The following ZNF516 variants were observed in gnomAD, a reference collection of about 807,000 sequenced individuals.
ZNF516 encodes zinc finger protein 516.
A neutral mutation model predicts 79.7 loss-of-function variants in ZNF516; 19 were observed. The observed-to-expected ratio is 0.24, with a 90% CI of 0.17 to 0.35. The LOEUF (loss-of-function observed/expected upper bound fraction) is 0.35, where lower values mean the gene tolerates loss of function less well. Ranked by LOEUF, ZNF516 falls within the 10% of genes least tolerant of loss-of-function variation. The pLI is 1.00. For missense variants in ZNF516, 1,678 were observed against 1,679.5 expected, an observed-to-expected ratio of 1.00 and a Z score of 0.02; for synonymous variants, 877 against 739.5, an observed-to-expected ratio of 1.19 and a Z score of -3.02.
intron 3 of ZNF516, among the ~76,000 whole-genome samples, chr18:76,437,056 G>C (rs1185968688): frequency 3.3e-5 from 2 of 60,824 alleles, no homozygotes; most frequent in African/African-American, 1.6e-4. Context: ...GACAGAGCAA[G>C]ACCTGTCTAA....
At chr18:76,431,131 A>T (rs1236385099) in intron 3 of ZNF516, among the ~76,000 whole-genome samples, 4 of 152,172 alleles carry the variant, frequency 2.6e-5, no homozygotes, top group Admixed American at 2.6e-4. Flanking sequence ...TAGCCGACAA[A>T]TCCCTCATGA....
At position 76,443,173 on chromosome 18, in the gene ZNF516, A is replaced by T; in HGVS notation, c.-119T>A. 4 of 1,404,948 alleles carry T rather than the reference A, an allele frequency of 2.8e-6. No individual in the cohort carries two copies. Among genetic ancestry groups the T allele is most frequent in the Non-Finnish European group, 3.7e-6 (4 of 1,074,904 alleles). The allele number at this position is 1,404,948 out of a possible 1,614,324, so 87.0% of individuals were successfully genotyped here. A position where few individuals can be genotyped will look rare whatever the true frequency, so the allele number is the denominator to read the frequency against. ...AGACGTGCCTGCTCCCAGGAGGTGC[A>T]CCTTCTACATGGGGGGCGCAGCAGC... On this transcript the variant is annotated 5_prime_UTR_variant, in exon 3 of 7. Transcript: ENST00000443185.
rs1383891991 is a variant in ZNF516 at position 76,363,871 on chromosome 18, T to A, written c.3433-1314A>T. On this transcript the variant is annotated intron_variant, in intron 6 of 6. Coordinates refer to ENST00000443185, the MANE Select transcript of ZNF516 (RefSeq NM_014643.4). ...GTGTTTGGCCTTGACCGTCTCTGCA[T>A]AGCAAACATAGACGTCAGGGACCGT... Among the ~76,000 whole-genome samples the A allele has an allele frequency of 2.6e-5, 4 of 152,224 alleles. No homozygotes were observed. In the East Asian group the frequency reaches 7.7e-4, roughly 29 times the overall value.
In ZNF516 at chr18:76,421,207, C is replaced by T. The variant is rs116301660; in HGVS notation, c.1810+20038G>A. On this transcript the variant is annotated intron_variant, in intron 3 of 6. Transcript: ENST00000443185. ...GAATTACACTTAGGAAGTCATTCTGCGTTTAGGCTGGTGCATATTGGAAAA... is the reference window on the plus strand; with the variant it reads ...GAATTACACTTAGGAAGTCATTCTGTGTTTAGGCTGGTGCATATTGGAAAA... Among the ~76,000 whole-genome samples the T allele has an allele frequency of 1.8e-3, 278 of 152,254 alleles. 1 individual carries two copies. Among genetic ancestry groups the T allele is most frequent in the African/African-American group, 6.5e-3 (268 of 41,546 alleles).
At chr18:76,389,777 C>T (rs956109226) in intron 3 of ZNF516, among the ~76,000 whole-genome samples, 1 of 152,124 alleles carries the variant, frequency 6.6e-6, no homozygotes, top group African/African-American at 2.4e-5. Context: ...AAATAGCAAG[C>T]AGCTATTTCA....
rs1376228374 is a variant in ZNF516 at position 76,488,263 on chromosome 18, T to C, written c.-272+6881A>G. ...AGGCCCTGTGAGCTAAATACAGTAATAAAATTAGTTCTTCACGTTTAGCCA... is the reference window on the plus strand; with the variant it reads ...AGGCCCTGTGAGCTAAATACAGTAACAAAATTAGTTCTTCACGTTTAGCCA... On this transcript the variant is annotated intron_variant, in intron 1 of 6. Coordinates refer to ENST00000443185, the MANE Select transcript of ZNF516 (RefSeq NM_014643.4). The C allele has an allele frequency of 5.1e-6, 5 of 984,272 alleles. No homozygotes were observed. The African/African-American group carries it at 8.7e-5, about 17-fold the overall frequency. The allele number at this position is 984,272 out of a possible 1,614,324, so 61.0% of individuals were successfully genotyped here. A position where few individuals can be genotyped will look rare whatever the true frequency, so the allele number is the denominator to read the frequency against.
At chr18:76,389,631 C>A (rs1045231504) in intron 3 of ZNF516, among the ~76,000 whole-genome samples, 12 of 152,188 alleles carry the variant, frequency 7.9e-5, no homozygotes, top group African/African-American at 2.9e-4. Flanking sequence ...CTTATGTACT[C>A]TTCAATGTCA....
intron 4 of ZNF516, among the ~76,000 whole-genome samples, chr18:76,376,703 G>A (rs990469804): frequency 6.6e-6 from 1 of 152,060 alleles, no homozygotes; most frequent in Non-Finnish European, 1.5e-5. Context: ...CCACCCACAG[G>A]GCAGCTCAAA....
intron 2 of ZNF516, among the ~76,000 whole-genome samples, chr18:76,453,628 A>T (rs1050618934): frequency 6.6e-6 from 1 of 152,206 alleles, no homozygotes; most frequent in African/African-American, 2.4e-5. Flanking sequence ...CCCAATTTAG[A>T]AGTGGCTTAA....
intron 1 of ZNF516, chr18:76,490,305 C>G (rs1915092831): frequency 1.9e-6 from 1 of 518,356 alleles, no homozygotes; most frequent in Admixed American, 6.4e-5. Flanking sequence ...GCGAGGGGTT[C>G]TCAGACCCAT....
In ZNF516 at chr18:76,494,320, A is replaced by G. The variant is rs532391629; in HGVS notation, c.-272+824T>C. Among the ~76,000 whole-genome samples the G allele has an allele frequency of 1.3e-4, 16 of 118,946 alleles. 1 individual carries two copies. The South Asian group carries it at 4.4e-3, about 33-fold the overall frequency. The allele number at this position is 118,946 out of a possible 152,430, so 78.0% of individuals were successfully genotyped here. ...CCCCCCACCTCCCGCCCAACCACAC[A>G]CACCCCACCGCATTCTTCCTTCATA... On this transcript the variant is annotated intron_variant, in intron 1 of 6. Transcript: ENST00000443185.
chr18:76,446,238 C>G (rs1306298105), intron 2 of ZNF516, among the ~76,000 whole-genome samples: 3 of 152,220 alleles, frequency 2.0e-5, no homozygotes, highest in Non-Finnish European at 2.9e-5. Flanking sequence ...GTGACCCCCT[C>G]AGAGCCCACA....
At chr18:76,370,680 T>C (rs555141889) in intron 5 of ZNF516, 85 bp from the exon 6 acceptor site, 79 of 1,193,712 alleles carry the variant, frequency 6.6e-5, no homozygotes, top group African/African-American at 2.2e-4. Flanking sequence ...GATTAAGTAC[T>C]TCCACAAAAA....
At chr18:76,469,852 T>C (rs770106709) in intron 1 of ZNF516, among the ~76,000 whole-genome samples, 4 of 152,182 alleles carry the variant, frequency 2.6e-5, no homozygotes, top group African/African-American at 7.2e-5. Context: ...AAACTTTATG[T>C]TACATATATT....
intron 3 of ZNF516, among the ~76,000 whole-genome samples, chr18:76,410,644 G>A (rs890130343): frequency 2.0e-5 from 3 of 152,196 alleles, no homozygotes; most frequent in Non-Finnish European, 4.4e-5. Flanking sequence ...TGTTTTGGTA[G>A]AATGGAAATC....
At chr18:76,495,662 C>A, upstream of ZNF516, 1 of 1,138,660 alleles carries the variant, frequency 8.8e-7, no homozygotes, top group Non-Finnish European at 1.1e-6. Flanking sequence ...CTCCCGGAGG[C>A]CGTTTCCGCG....
At chr18:76,390,839 A>G (rs2075061780) in intron 3 of ZNF516, among the ~76,000 whole-genome samples, 1 of 152,160 alleles carries the variant, frequency 6.6e-6, no homozygotes, top group Non-Finnish European at 1.5e-5. Flanking sequence ...CTTCACATCC[A>G]TGACCTGCCC....
chr18:76,490,589 T>C (rs1253847680), intron 1 of ZNF516: 1 of 206,980 alleles, frequency 4.8e-6, no homozygotes, highest in Non-Finnish European at 8.5e-6. Flanking sequence ...TTTGGGAGGC[T>C]AGCCACCGTT....
At position 76,493,949 on chromosome 18, in the gene ZNF516, C is replaced by T. The variant is rs1260201365; in HGVS notation, c.-272+1195G>A. 6.6e-6 allele frequency: 1 copy of T among 152,206 alleles called. No homozygotes were observed. Among genetic ancestry groups the T allele is most frequent in the Non-Finnish European group, 1.5e-5 (1 of 68,044 alleles). 9.4% of individuals were successfully genotyped at this position (152,206 alleles called of 1,614,324 possible). A position where few individuals can be genotyped will look rare whatever the true frequency, so the allele number is the denominator to read the frequency against. On this transcript the variant is annotated intron_variant, in intron 1 of 6. Coordinates refer to ENST00000443185, the MANE Select transcript of ZNF516 (RefSeq NM_014643.4). The surrounding 1 kb of genome is among the most constrained non-coding windows in gnomAD (Gnocchi z 5.2). ...CTGCGCAAGTTGATCTTTGCACACC[C>T]GGAGACCCGGTGACTCTTTATCAGC...
Sources: gnomAD v4.1 joint callset for allele counts (sites outside exome capture counted in the v4.1 genomes callset) on GRCh38, gnomAD v4.1.1 for gene constraint, Gnocchi (gnomAD v3.1) non-coding constraint, MANE v1.5 for transcripts, NCBI Gene and HGNC (gene_info 2026-07-23, HGNC 2026-07-21) for gene names.